Variants in TP53I13 observed in about 807,000 individuals in gnomAD.
The protein encoded by TP53I13 is tumor protein p53 inducible protein 13, also known as tumor protein p53-inducible protein 13.
TP53I13 carries 27 observed loss-of-function variants against 39.1 expected under a neutral mutation model. The observed-to-expected ratio is 0.69, with a 90% CI of 0.51 to 0.95. The LOEUF is 0.95. Ranked by LOEUF, TP53I13 falls within the 40% of genes least tolerant of loss-of-function variation. TP53I13 has a pLI of 0.00. For missense variants in TP53I13, 544 were observed against 520.4 expected (o/e 1.05, Z -0.44); for synonymous variants, 230 against 224.6 (o/e 1.02, Z -0.22).
chr17:29,579,021 C>T, the TP53I13 span: 2 of 1,611,244 alleles, frequency 1.2e-6, no homozygotes, highest in South Asian at 2.2e-5. Flanking sequence ...GAGGGAAGAA[C>T]AGGACAGAGG....
In TP53I13 at chr17:29,572,537, C is replaced by T; in HGVS notation, c.909C>T (p.Pro303=). The change falls in exon 6 of 7, where the codon CCC becomes CCT. Residue 303 remains proline, a synonymous_variant. Transcript: ENST00000301057. ...CGCCTCCACGGGCAGCCCGGGGCCC[C>T]ACCCCACGCACTGAAGAGGCCGCCT... ...AAAPPRAARG[P]TPRTEEAAWA... is the part of the protein sequence containing the mutation. 9 of 1,604,856 alleles carry T rather than the reference C, an allele frequency of 5.6e-6. No individual in the cohort carries two copies. Among genetic ancestry groups the T allele is most frequent in the Non-Finnish European group, 7.6e-6 (9 of 1,176,736 alleles).
downstream of TP53I13, chr17:29,576,721 C>T: frequency 6.2e-7 from 1 of 1,608,970 alleles, no homozygotes; most frequent in Non-Finnish European, 8.5e-7. Flanking sequence ...GCAGGGAGGC[C>T]AACACCCGCA....
the TP53I13 span, chr17:29,579,032 C>T: frequency 1.0e-5 from 16 of 1,595,912 alleles, no homozygotes; most frequent in Admixed American, 5.0e-5. Flanking sequence ...AGGACAGAGG[C>T]GGCAGTTACC....
chr17:29,569,431 GCC>G, intron 3 of TP53I13, 72 bp downstream of exon 3: 1 of 1,482,596 alleles, frequency 6.7e-7, no homozygotes, highest in Non-Finnish European at 9.3e-7. Context: ...AGGCTTCGCT[GCC>G]TGTTCTGCTG....
At chr17:29,578,485 A>G in the TP53I13 span, 1 of 971,100 alleles carries the variant, frequency 1.0e-6, no homozygotes. Context: ...TGTGCTGCCC[A>G]GCCCCTACAG....
At chr17:29,577,798 G>A (rs2033266233), downstream of TP53I13, 1 of 1,083,386 alleles carries the variant, frequency 9.2e-7, no homozygotes, top group Non-Finnish European at 1.4e-6. Flanking sequence ...CCAAGGTGGG[G>A]GTGGGGAAGC....
At chr17:29,576,893 G>A, downstream of TP53I13, 2 of 1,576,090 alleles carry the variant, frequency 1.3e-6, no homozygotes, top group Non-Finnish European at 1.7e-6. Flanking sequence ...TGGCGCCGGT[G>A]CTGCGCAGGG....
At chr17:29,566,466 C>A (rs2032714327), upstream of TP53I13, 1 of 1,612,114 alleles carries the variant, frequency 6.2e-7, no homozygotes, top group Non-Finnish European at 8.5e-7. Context: ...TGAGGCGACC[C>A]CACGCATTGG....
the TP53I13 span, chr17:29,581,872 C>T: frequency 6.2e-7 from 1 of 1,609,720 alleles, no homozygotes. This position sits in a 1 kb window ranked among gnomAD's most constrained non-coding sequence, Gnocchi z 4.8. Flanking sequence ...CCTGCAGCAG[C>T]AGCCCTCACC....
chr17:29,577,836 C>T, downstream of TP53I13: 1 of 773,774 alleles, frequency 1.3e-6, no homozygotes, highest in East Asian at 2.5e-5. Context: ...TAGCTGCCCC[C>T]ACGCCTACTG....
In TP53I13 at chr17:29,571,772, C is replaced by T. The variant is rs537720200; in HGVS notation, c.312+53C>T. The T allele has an allele frequency of 1.5e-4, 242 of 1,613,598 alleles. No individual in the cohort carries two copies. In the African/African-American group the frequency reaches 2.4e-3, roughly 16 times the overall value. ...TGGCCCTGGCAGAAGGCTATGGCCC[C>T]GTGTGCAGGGAATGGAAAATTCAAG... On this transcript the variant is annotated intron_variant, in intron 4 of 6. Transcript: ENST00000301057.
upstream of TP53I13, chr17:29,568,661 C>T (rs1246076864): frequency 2.6e-6 from 2 of 783,458 alleles, no homozygotes; most frequent in African/African-American, 4.4e-5. The surrounding 1 kb of genome is among the most constrained non-coding windows in gnomAD (Gnocchi z 4.5). Context: ...GCGGGCGGCG[C>T]GGGCGGCGCG....
intron 3 of TP53I13, 181 bp from the exon 4 acceptor site, chr17:29,571,410 C>CA: frequency 1.4e-6 from 1 of 722,090 alleles, no homozygotes; most frequent in South Asian, 2.0e-5. Flanking sequence ...AAGGAACACT[C>CA]AGAGGCAAGA....
chr17:29,576,144 G>A (rs376729227), downstream of TP53I13: 53 of 1,613,372 alleles, frequency 3.3e-5, no homozygotes, highest in African/African-American at 5.1e-4. Context: ...GGGGATGTTA[G>A]CACAGCGAGC....
Position 29,569,076 on chromosome 17 carries a change from T to TG in TP53I13, c.132dup (p.Pro45AlafsTer19). 1 of 1,597,576 alleles carries TG rather than the reference T, an allele frequency of 6.3e-7. No individual in the cohort carries two copies. The stretch of plus-strand genomic sequence containing the variant: ...CATTGTCCCGAGAGCCTGTGGCCTC[T>TG]GCCTCCGCAGGTAGGAGCCCTGGAG... On this transcript the variant is annotated frameshift_variant, in exon 2 of 7. Transcript: ENST00000301057. LOFTEE classifies it high-confidence loss of function.
the TP53I13 span, chr17:29,581,487 G>T: frequency 1.1e-6 from 1 of 939,996 alleles, no homozygotes. The surrounding 1 kb of genome is among the most constrained non-coding windows in gnomAD (Gnocchi z 4.8). Flanking sequence ...AAGTGTCAGG[G>T]GAAAGTGGGG....
chr17:29,582,201 C>A, the TP53I13 span: 1 of 1,312,926 alleles, frequency 7.6e-7, no homozygotes, highest in South Asian at 1.3e-5. Context: ...ACCTCCCCAC[C>A]CACAAGCTGC....
the TP53I13 span, among the ~76,000 whole-genome samples, chr17:29,580,369 C>T: frequency 6.6e-6 from 1 of 152,202 alleles, no homozygotes; most frequent in Non-Finnish European, 1.5e-5. Flanking sequence ...TCTGAGTCGC[C>T]CAGGCCTGGT....
downstream of TP53I13, chr17:29,575,948 C>T (rs769487663): frequency 1.3e-6 from 2 of 1,552,834 alleles, no homozygotes; most frequent in Non-Finnish European, 1.8e-6. This position sits in a 1 kb window ranked among gnomAD's most constrained non-coding sequence, Gnocchi z 5.5. Context: ...CACTGCCCCC[C>T]TGCTCACCAG....
Sources: gnomAD v4.1 joint callset for allele counts (sites outside exome capture counted in the v4.1 genomes callset) on GRCh38, gnomAD v4.1.1 for gene constraint, Gnocchi (gnomAD v3.1) non-coding constraint, MANE v1.5 for transcripts, NCBI Gene and HGNC (gene_info 2026-07-23, HGNC 2026-07-21) for gene names.